WWOX: variants seen among roughly 807,000 people sequenced by gnomAD.
WWOX encodes WW domain-containing oxidoreductase.
In WWOX, 69 loss-of-function variants were observed where a neutral mutation model predicts 46.2. The observed-to-expected ratio is 1.49, with a 90% CI of 1.23 to 1.82. The LOEUF (loss-of-function observed/expected upper bound fraction) is 1.82. WWOX is among the 40% of genes most tolerant of loss of function. The probability of loss-of-function intolerance (pLI) is 0.00; values close to 1 mark genes in which losing one functional copy is unlikely to be tolerated. For missense variants in WWOX, 919 were observed against 542.6 expected (o/e 1.69, Z -6.89); for synonymous variants, 359 against 202.6 (o/e 1.77, Z -6.56).
At chr16:78,406,311 T>TAA (rs59870154) in intron 6 of WWOX, among the ~76,000 whole-genome samples, 17 of 36,922 alleles carry the variant, frequency 4.6e-4, no homozygotes, top group Middle Eastern at 9.1e-3. Context: ...TAAATATATA[T>TAA]ATATATATAT....
intron 5 of WWOX, among the ~76,000 whole-genome samples, chr16:78,359,140 C>T (rs1356076210): frequency 6.6e-6 from 1 of 152,144 alleles, no homozygotes; most frequent in Non-Finnish European, 1.5e-5. Context: ...GTCTGAGTGT[C>T]TGTACCTTCC....
chr16:79,131,405 G>A (rs1333090579), intron 8 of WWOX, among the ~76,000 whole-genome samples: 4 of 152,012 alleles, frequency 2.6e-5, no homozygotes, highest in East Asian at 1.9e-4. Context: ...CTCCTGATTC[G>A]GAGGGAAAAA....
chr16:78,542,971 A>C (rs2043934300), intron 8 of WWOX, among the ~76,000 whole-genome samples: 2 of 152,186 alleles, frequency 1.3e-5, no homozygotes, highest in Non-Finnish European at 2.9e-5. Flanking sequence ...GCAGAATAGC[A>C]AACAATTTTT....
intron 4 of WWOX, among the ~76,000 whole-genome samples, chr16:78,152,992 A>G (rs552066560): frequency 1.3e-5 from 2 of 152,220 alleles, no homozygotes; most frequent in East Asian, 1.9e-4. Context: ...TGTATATAAC[A>G]CATACTTTTA....
intron 6 of WWOX, among the ~76,000 whole-genome samples, chr16:78,392,598 C>A (rs906368342): frequency 1.3e-5 from 2 of 152,094 alleles, no homozygotes; most frequent in Non-Finnish European, 2.9e-5. Context: ...AACCTCTGCT[C>A]TAGAGATTTC....
chr16:78,184,002 A>G (rs368918630), intron 5 of WWOX, among the ~76,000 whole-genome samples: 11 of 152,196 alleles, frequency 7.2e-5, no homozygotes, highest in African/African-American at 1.7e-4. Flanking sequence ...GCAACTTCAC[A>G]TCAAGGGCTC....
chr16:78,906,256 G>A (rs1334408345), intron 8 of WWOX, among the ~76,000 whole-genome samples: 1 of 152,194 alleles, frequency 6.6e-6, no homozygotes, highest in African/African-American at 2.4e-5. Flanking sequence ...GTCTCCACAA[G>A]GAAGAAGTAG....
intron 8 of WWOX, among the ~76,000 whole-genome samples, chr16:78,578,254 T>TTTTATATATATA (rs1462537260): frequency 3.8e-4 from 12 of 31,646 alleles, no homozygotes; most frequent in East Asian, 2.2e-3. Flanking sequence ...ATACCAAATT[T>TTTTATATATATA]TATATATATA....
At chr16:78,307,249 CAAAT>C (rs2080152130) in intron 5 of WWOX, among the ~76,000 whole-genome samples, 1 of 152,154 alleles carries the variant, frequency 6.6e-6, no homozygotes, top group Non-Finnish European at 1.5e-5. Context: ...TGCCAAGTGT[CAAAT>C]AAATGTTTCT....
intron 5 of WWOX, chr16:78,355,754 T>A (rs1006562311): frequency 1.4e-6 from 1 of 708,914 alleles, no homozygotes; most frequent in African/African-American, 1.9e-5. Flanking sequence ...GACATATGAA[T>A]CAACAAAACA....
At chr16:78,456,032 C>T (rs951142768) in intron 8 of WWOX, among the ~76,000 whole-genome samples, 2 of 152,182 alleles carry the variant, frequency 1.3e-5, no homozygotes, top group Non-Finnish European at 2.9e-5. Context: ...ACTTTTGTTA[C>T]TACCGAAGGA....
intron 8 of WWOX, among the ~76,000 whole-genome samples, chr16:78,858,743 A>G (rs868363280): frequency 6.6e-6 from 1 of 151,848 alleles, no homozygotes; most frequent in African/African-American, 2.4e-5. Flanking sequence ...GCAGGGCACA[A>G]TCACAGCTCA....
At chr16:78,609,488 T>A (rs1270350699) in intron 8 of WWOX, among the ~76,000 whole-genome samples, 1 of 151,376 alleles carries the variant, frequency 6.6e-6, no homozygotes, top group East Asian at 1.9e-4. Context: ...AAAAAAAAAA[T>A]GTTTTCTGGT....
Position 79,000,067 on chromosome 16 carries a change from C to A in WWOX, c.1057-211541C>A, listed in dbSNP as rs150825362. Reference sequence around the variant, plus strand: ...ATAGCGAAAGGGTCTCTTCAGGCTCCTGGGATAAAAACCAGGATCCTTCAT... The same window carrying A: ...ATAGCGAAAGGGTCTCTTCAGGCTCATGGGATAAAAACCAGGATCCTTCAT... On this transcript the variant is annotated intron_variant, in intron 8 of 8. Transcript: ENST00000566780. Among the ~76,000 whole-genome samples the A allele has an allele frequency of 4.5e-3, 681 of 152,268 alleles. 8 individuals are homozygous for A. The highest frequency in any genetic ancestry group is 0.015 in the African/African-American group (631 of 41,558).
chr16:78,501,189 T>TTCTTTC (rs752758629), intron 8 of WWOX, among the ~76,000 whole-genome samples: 1,466 of 105,244 alleles, frequency 0.014, 43 homozygotes, highest in Middle Eastern at 0.051. Flanking sequence ...CTCTCTTTCT[T>TTCTTTC]TCTCTTTTTT....
chr16:79,050,703 CT>C (rs2048150353), intron 8 of WWOX, among the ~76,000 whole-genome samples: 1 of 152,148 alleles, frequency 6.6e-6, no homozygotes, highest in Non-Finnish European at 1.5e-5. Context: ...AAAAATCAAT[CT>C]GGCGAAATGA....
intron 6 of WWOX, among the ~76,000 whole-genome samples, chr16:78,402,805 C>T (rs896544660): frequency 6.6e-6 from 1 of 152,202 alleles, no homozygotes; most frequent in African/African-American, 2.4e-5. Context: ...GGAAATAATT[C>T]TAACCAATCA....
At chr16:78,258,838 C>A (rs1034311558) in intron 5 of WWOX, among the ~76,000 whole-genome samples, 2 of 150,756 alleles carry the variant, frequency 1.3e-5, no homozygotes, top group African/African-American at 4.9e-5. Flanking sequence ...ATTTATGGAA[C>A]AGTTAAGACC....
chr16:78,738,848 A>G (rs1345066213), intron 8 of WWOX, among the ~76,000 whole-genome samples: 2 of 152,184 alleles, frequency 1.3e-5, no homozygotes, highest in Non-Finnish European at 2.9e-5. Flanking sequence ...GGAGGTAGAT[A>G]GAGATTGTCC....
Sources: gnomAD v4.1 joint callset for allele counts (sites outside exome capture counted in the v4.1 genomes callset) on GRCh38, gnomAD v4.1.1 for gene constraint, MANE v1.5 for transcripts, NCBI Gene and HGNC (gene_info 2026-07-23, HGNC 2026-07-21) for gene names.